Variants in GABRB3 observed in about 807,000 individuals in gnomAD.
GABRB3 encodes the protein gamma-aminobutyric acid type A receptor subunit beta3.
GABRB3 carries 14 observed loss-of-function variants against 52.1 expected under a neutral mutation model. The observed-to-expected ratio is 0.27, with a 90% confidence interval of 0.18 to 0.42. The LOEUF (loss-of-function observed/expected upper bound fraction) is 0.42, where lower values mean the gene tolerates loss of function less well. GABRB3 is among the 10% of genes least tolerant of loss of function. The probability of loss-of-function intolerance (pLI) is 1.00; values close to 1 mark genes in which losing one functional copy is unlikely to be tolerated. For synonymous variants in GABRB3, 260 were observed against 232.3 expected (o/e 1.12, Z -1.08); for missense variants, 307 against 609.1 (o/e 0.50, Z 5.22).
chr15:26,659,129 G>C (rs1887462984), intron 3 of GABRB3, among the ~76,000 whole-genome samples: 1 of 152,180 alleles, frequency 6.6e-6, no homozygotes, highest in Admixed American at 6.5e-5. Context: ...GGTTGTTGGA[G>C]GCAGCCATGG....
chr15:26,735,867 A>G (rs1890051036), intron 3 of GABRB3, among the ~76,000 whole-genome samples: 2 of 151,880 alleles, frequency 1.3e-5, no homozygotes, highest in African/African-American at 4.8e-5. Context: ...AAGCAGGAGG[A>G]TCACTTGAGC....
At chr15:26,771,512 T>A (rs947340923) in intron 3 of GABRB3, among the ~76,000 whole-genome samples, 1 of 152,222 alleles carries the variant, frequency 6.6e-6, no homozygotes, top group African/African-American at 2.4e-5. Flanking sequence ...TTACAAATGC[T>A]CCTTCCAGAG....
Position 26,554,037 on chromosome 15 carries a change from T to TATA in GABRB3, c.1081-5904_1081-5903insTAT, listed in dbSNP as rs59100810. Among the ~76,000 whole-genome samples the TATA allele has an allele frequency of 3.2e-3, 188 of 58,446 alleles. 33 individuals carry two copies. Among genetic ancestry groups the TATA allele is most frequent in the Middle Eastern group, 0.013 (1 of 78 alleles). The allele number at this position is 58,446 out of a possible 152,430, so 38.3% of individuals were successfully genotyped here. On this transcript the variant is annotated intron_variant, in intron 8 of 8. Transcript: ENST00000311550. ...CCTGACTATTTATATATATATATAT[T>TATA]TATTTATTTATATTTATTTATATAT...
chr15:26,665,753 G>T (rs1316808073), intron 3 of GABRB3, among the ~76,000 whole-genome samples: 1 of 152,140 alleles, frequency 6.6e-6, no homozygotes, highest in African/African-American at 2.4e-5. Flanking sequence ...TCATCTAACT[G>T]CCATACAGGC....
intron 3 of GABRB3, among the ~76,000 whole-genome samples, chr15:26,754,511 T>C (rs1308136531): frequency 2.0e-5 from 3 of 152,188 alleles, no homozygotes; most frequent in Non-Finnish European, 4.4e-5. Context: ...AAATCCAAAT[T>C]AGTCCAAATG....
rs1178641073 is a variant in GABRB3 at position 26,547,436 on chromosome 15, CATA to C, written c.*354_*356del. The C allele has an allele frequency of 2.2e-6, 1 of 450,012 alleles. No individual in the cohort carries two copies. Among genetic ancestry groups the C allele is most frequent in the African/African-American group, 2.0e-5 (1 of 49,730 alleles). 27.9% of individuals were successfully genotyped at this position (450,012 alleles called of 1,614,324 possible). On this transcript the variant is annotated 3_prime_UTR_variant, in exon 9 of 9. Transcript: ENST00000311550. ...GTGTTTCACGCCCTCATTCTCAAGG[CATA>C]ATATTTAGATGATACTTGTCCCTTT...
intron 4 of GABRB3, among the ~76,000 whole-genome samples, chr15:26,606,816 A>AGATCTATCTATCGATAGATATATC (rs1891847043): frequency 1.7e-5 from 1 of 57,406 alleles, no homozygotes. Context: ...ATAGATAGAT[A>AGATCTATCTATCGATAGATATATC]GATAGATAGA....
intron 6 of GABRB3, among the ~76,000 whole-genome samples, chr15:26,573,310 C>T (rs970196998): frequency 6.6e-6 from 1 of 152,056 alleles, no homozygotes; most frequent in Admixed American, 6.6e-5. Flanking sequence ...CTAATTTTTA[C>T]TCCCATTACT....
At chr15:26,685,862 T>A (rs551864829) in intron 3 of GABRB3, among the ~76,000 whole-genome samples, 4 of 149,982 alleles carry the variant, frequency 2.7e-5, no homozygotes, top group African/African-American at 9.8e-5. Flanking sequence ...TGGAGTACAG[T>A]GGTGCAATCA....
At chr15:26,710,189 G>A in intron 3 of GABRB3, among the ~76,000 whole-genome samples, 1 of 152,150 alleles carries the variant, frequency 6.6e-6, no homozygotes, top group East Asian at 1.9e-4. Context: ...TTGAACACTG[G>A]GGTTGTTTTT....
chr15:26,592,916 G>C (rs929778483), intron 4 of GABRB3, among the ~76,000 whole-genome samples: 3 of 152,162 alleles, frequency 2.0e-5, no homozygotes, highest in Non-Finnish European at 2.9e-5. Flanking sequence ...TTGGGAGGCT[G>C]AGGCAGGAGA....
intron 3 of GABRB3, among the ~76,000 whole-genome samples, chr15:26,631,156 A>G (rs1323380378): frequency 1.3e-5 from 2 of 152,242 alleles, no homozygotes; most frequent in Non-Finnish European, 2.9e-5. Flanking sequence ...CAAGTGAAGC[A>G]TTTATACATA....
At chr15:26,767,075 A>G (rs1225268897) in intron 3 of GABRB3, 2 of 152,334 alleles carry the variant, frequency 1.3e-5, no homozygotes, top group East Asian at 1.9e-4. Context: ...TCAGTGCCCC[A>G]GCATTGATGT....
Position 26,773,022 on chromosome 15 carries a change from C to G in GABRB3, c.-60G>C. Reference sequence around the variant, plus strand: ...CCCCGCCGCCGTCGCGACCCGCAGCCGGGGCTGCTCCTGCTGCTGCCGCCG... The same window carrying G: ...CCCCGCCGCCGTCGCGACCCGCAGCGGGGGCTGCTCCTGCTGCTGCCGCCG... On this transcript the variant is annotated 5_prime_UTR_variant, in exon 1 of 9. Coordinates refer to ENST00000311550, the MANE Select transcript of GABRB3 (RefSeq NM_000814.6). The G allele has an allele frequency of 8.6e-7, 1 of 1,157,868 alleles. No homozygotes were observed. Among genetic ancestry groups the G allele is most frequent in the South Asian group, 3.4e-5 (1 of 29,160 alleles). The allele number at this position is 1,157,868 out of a possible 1,614,324, so 71.7% of individuals were successfully genotyped here.
chr15:26,641,284 G>A (rs1005702604), intron 3 of GABRB3, among the ~76,000 whole-genome samples: 10 of 152,212 alleles, frequency 6.6e-5, no homozygotes, highest in African/African-American at 1.7e-4. Flanking sequence ...GAACTTGCTC[G>A]CTGCATGCTA....
At chr15:26,578,047 G>A (rs8034142) in intron 6 of GABRB3, among the ~76,000 whole-genome samples, 68,065 of 151,946 alleles carry the variant, frequency 0.45, 15,652 homozygotes, top group African/African-American at 0.52. Flanking sequence ...TTGATCTCCC[G>A]AAGCGTTGGG....
chr15:26,629,033 G>A (rs1364548954), intron 3 of GABRB3: 2 of 1,536,158 alleles, frequency 1.3e-6, no homozygotes, highest in Admixed American at 2.0e-5. Flanking sequence ...CCGGTATCCC[G>A]GTGCTGAGGT....
chr15:26,763,690 T>G (rs1185338923), intron 3 of GABRB3, among the ~76,000 whole-genome samples: 1 of 151,296 alleles, frequency 6.6e-6, no homozygotes, highest in Non-Finnish European at 1.5e-5. Context: ...TCATTAAAAC[T>G]AATTATTGTA....
At chr15:26,729,154 G>T (rs945214463) in intron 3 of GABRB3, among the ~76,000 whole-genome samples, 45 of 151,960 alleles carry the variant, frequency 3.0e-4, no homozygotes, top group Non-Finnish European at 4.9e-4. Context: ...GCAGGAAAGA[G>T]GTCTGGGCAA....
Sources: gnomAD v4.1 joint callset for allele counts (sites outside exome capture counted in the v4.1 genomes callset) on GRCh38, gnomAD v4.1.1 for gene constraint, MANE v1.5 for transcripts, NCBI Gene and HGNC (gene_info 2026-07-23, HGNC 2026-07-21) for gene names.